CEP89: variants seen among roughly 807,000 people sequenced by gnomAD.
CEP89 encodes centrosomal protein of 89 kDa.
In CEP89, 95 loss-of-function variants were observed where a neutral mutation model predicts 97.6. The ratio of observed to expected loss-of-function variants is 0.97; its 90% CI spans 0.82 to 1.15. The LOEUF (loss-of-function observed/expected upper bound fraction) is 1.15. Ranked by LOEUF, CEP89 falls within the 50% of genes most tolerant of loss-of-function variation. CEP89 has a pLI of 0.00. For synonymous variants in CEP89, 354 were observed against 349.1 expected (o/e 1.01, Z -0.16); for missense variants, 869 against 947.7 (o/e 0.92, Z 1.09).
At chr19:32,955,752 G>A (rs1033109211) in intron 3 of CEP89, among the ~76,000 whole-genome samples, 2 of 152,120 alleles carry the variant, frequency 1.3e-5, no homozygotes, top group African/African-American at 4.8e-5. Context: ...GACCTCAAGT[G>A]ATACGCCCGC....
intron 12 of CEP89, among the ~76,000 whole-genome samples, chr19:32,921,028 T>C (rs1193540963): frequency 2.0e-5 from 3 of 150,764 alleles, no homozygotes; most frequent in African/African-American, 7.3e-5. Flanking sequence ...GACCAGCCTG[T>C]CCAACGTGGT....
At chr19:32,953,395 T>C (rs1970966320) in intron 4 of CEP89, among the ~76,000 whole-genome samples, 1 of 151,818 alleles carries the variant, frequency 6.6e-6, no homozygotes, top group South Asian at 2.1e-4. Context: ...ACATTAACAA[T>C]ATGAAGATGT....
intron 5 of CEP89, among the ~76,000 whole-genome samples, chr19:32,945,038 C>T (rs904906002): frequency 6.6e-6 from 1 of 152,194 alleles, no homozygotes; most frequent in Non-Finnish European, 1.5e-5. Context: ...CAAGGATCAC[C>T]CACAACAGAC....
intron 14 of CEP89, among the ~76,000 whole-genome samples, chr19:32,910,658 T>C (rs1026942155): frequency 1.4e-5 from 2 of 146,152 alleles, no homozygotes; most frequent in Non-Finnish European, 3.1e-5. Context: ...CTCTCAAGCT[T>C]TTTTCTATTA....
chr19:32,907,351 C>T (rs899562270), intron 14 of CEP89, among the ~76,000 whole-genome samples: 3 of 152,108 alleles, frequency 2.0e-5, no homozygotes, highest in Non-Finnish European at 4.4e-5. Context: ...AAGATGAGAT[C>T]ATATCTTAAA....
At chr19:32,917,843 T>C (rs1970160057) in intron 13 of CEP89, 9 of 974,220 alleles carry the variant, frequency 9.2e-6, no homozygotes, top group Non-Finnish European at 9.8e-6. Context: ...GGGAACTGTT[T>C]AGAAAGTGAA....
chr19:32,952,605 TG>T (rs1348434169), intron 4 of CEP89, among the ~76,000 whole-genome samples: 1 of 150,910 alleles, frequency 6.6e-6, no homozygotes, highest in Non-Finnish European at 1.5e-5. Flanking sequence ...ATAATGATGG[TG>T]AAAAAAAGAA....
chr19:32,948,422 T>A (rs1261849199), intron 4 of CEP89, 54 bp from the exon 5 acceptor site: 1 of 1,072,958 alleles, frequency 9.3e-7, no homozygotes, highest in Non-Finnish European at 1.4e-6. Context: ...AACCTTTATA[T>A]ACAGCATGTC....
intron 1 of CEP89, among the ~76,000 whole-genome samples, chr19:32,967,392 G>A (rs1013693692): frequency 6.6e-6 from 1 of 151,584 alleles, no homozygotes; most frequent in Non-Finnish European, 1.5e-5. Context: ...TGACAGCAAT[G>A]AAGAAACCTT....
chr19:32,937,710 G>A (rs1481717809), intron 6 of CEP89, 37 bp from the exon 7 acceptor site: 1 of 1,518,850 alleles, frequency 6.6e-7, no homozygotes. Context: ...TAAGTGCAGA[G>A]CATTAGTGTT....
intron 4 of CEP89, among the ~76,000 whole-genome samples, chr19:32,952,903 C>CAAAAAAAAAAA (rs34455504): frequency 2.7e-4 from 13 of 48,466 alleles, no homozygotes; most frequent in East Asian, 7.2e-4. Context: ...GACTCTGTCT[C>CAAAAAAAAAAA]AAAAAAAAAA....
intron 17 of CEP89, among the ~76,000 whole-genome samples, chr19:32,883,310 C>G (rs1969325154): frequency 6.6e-6 from 1 of 151,820 alleles, no homozygotes; most frequent in Admixed American, 6.6e-5. Flanking sequence ...AGTGAAATAA[C>G]TTTTTGTTTT....
chr19:32,899,308 T>A (rs1006048934), intron 16 of CEP89, among the ~76,000 whole-genome samples: 2 of 152,086 alleles, frequency 1.3e-5, no homozygotes, highest in Non-Finnish European at 2.9e-5. Flanking sequence ...TTTTTAAATT[T>A]TTTTTTGTAG....
chr19:32,948,407 A>C, intron 4 of CEP89, 39 bp from the exon 5 acceptor site: 1 of 1,330,948 alleles, frequency 7.5e-7, no homozygotes, highest in Non-Finnish European at 1.1e-6. Flanking sequence ...AAAAGTGAGA[A>C]AGGTAACCTT....
rs1370210045 is a variant in CEP89, at chr19:32,936,559, C to T, written c.667+1072G>A. 2.6e-5 allele frequency among the ~76,000 whole-genome samples: 4 copies of T among 152,162 alleles called. No homozygotes were observed. The highest frequency in any genetic ancestry group is 2.9e-5 in the Non-Finnish European group (2 of 68,018). On this transcript the variant is annotated intron_variant, in intron 7 of 18. Coordinates refer to ENST00000305768, the MANE Select transcript of CEP89 (RefSeq NM_032816.5). The surrounding 1 kb of genome is among the most constrained non-coding windows in gnomAD (Gnocchi z 4.5). ...TTATGGTGCCTTTTCCAGGCCCACC[C>T]ATGGCCACCCATGGACCAATCGGTG...
At chr19:32,953,293 C>T (rs898949070) in intron 4 of CEP89, among the ~76,000 whole-genome samples, 2 of 151,538 alleles carry the variant, frequency 1.3e-5, no homozygotes, top group African/African-American at 4.9e-5. Context: ...AGAAAGGCTG[C>T]AGTGTGCAAA....
At chr19:32,956,198 G>A (rs1971044839) in intron 3 of CEP89, among the ~76,000 whole-genome samples, 1 of 151,448 alleles carries the variant, frequency 6.6e-6, no homozygotes, top group Non-Finnish European at 1.5e-5. Context: ...TGGGACTACA[G>A]GCGCCCGCCA....
At chr19:32,882,091 A>G in intron 17 of CEP89, 78 bp from the exon 18 acceptor site, 1 of 1,257,004 alleles carries the variant, frequency 8.0e-7, no homozygotes. Context: ...TGTGCTCCCT[A>G]CCCACTCCTT....
chr19:32,904,868 G>A (rs1339287874), intron 14 of CEP89, among the ~76,000 whole-genome samples: 1 of 152,140 alleles, frequency 6.6e-6, no homozygotes, highest in Non-Finnish European at 1.5e-5. Context: ...GGGATTACAG[G>A]TGTAAGCCAC....
Sources: allele counts gnomAD v4.1 joint callset (sites outside exome capture counted in the v4.1 genomes callset), GRCh38; gene constraint gnomAD v4.1.1; non-coding constraint Gnocchi (gnomAD v3.1); transcripts MANE v1.5; gene names NCBI Gene and HGNC (gene_info 2026-07-23, HGNC 2026-07-21).